PTPRG: variants seen among roughly 807,000 people sequenced by gnomAD.
The protein encoded by PTPRG is protein tyrosine phosphatase receptor type G, also known as receptor-type tyrosine-protein phosphatase gamma.
Under a neutral mutation model 165.3 loss-of-function variants are expected in PTPRG, and 102 were observed. That is an observed-to-expected ratio of 0.62 (90% CI 0.53 to 0.73). The LOEUF (loss-of-function observed/expected upper bound fraction) is 0.73. PTPRG is among the 30% of genes least tolerant of loss of function. The pLI is 0.00. For missense variants in PTPRG, 1,866 were observed against 1,861.4 expected (o/e 1.00, Z -0.05); for synonymous variants, 675 against 669.5 (o/e 1.01, Z -0.13).
At position 61,575,620 on chromosome 3, in the gene PTPRG, G is replaced by A. The variant is rs1043311093; in HGVS notation, c.85+13248G>A. Among the ~76,000 whole-genome samples the A allele has an allele frequency of 3.0e-4, 11 of 36,110 alleles. No individual in the cohort carries two copies. In the Admixed American group the frequency reaches 3.3e-3, roughly 11 times the overall value. 23.7% of individuals were successfully genotyped at this position (36,110 alleles called of 152,430 possible). ...GAACTTTTTTTTTTTTTTTTTTTTT[G>A]AGATGGAGTCTCGCTTTGTCACCCA... is the stretch of plus-strand genomic sequence containing the variant. On this transcript the variant is annotated intron_variant, in intron 1 of 29. Transcript: ENST00000474889.
intron 2 of PTPRG, among the ~76,000 whole-genome samples, chr3:61,811,936 T>G (rs560003182): frequency 5.3e-5 from 8 of 152,222 alleles, no homozygotes; most frequent in Non-Finnish European, 1.2e-4. Context: ...TCTTGAGCTC[T>G]GCGCTTTCTC....
chr3:62,107,448 A>AAG (rs1702511766), intron 5 of PTPRG, among the ~76,000 whole-genome samples: 1 of 152,258 alleles, frequency 6.6e-6, no homozygotes, highest in Non-Finnish European at 1.5e-5. Flanking sequence ...GCTTTTTATA[A>AAG]CTCAAACAAA....
chr3:62,194,746 C>T (rs1158306660), intron 9 of PTPRG, among the ~76,000 whole-genome samples: 1 of 151,644 alleles, frequency 6.6e-6, no homozygotes, highest in South Asian at 2.1e-4. Flanking sequence ...GAAGTTGCAG[C>T]GAGCTGAGAT....
chr3:62,100,586 A>G lies in PTPRG; in HGVS notation c.615+22328A>G, dbSNP rs552067274. 1.8e-4 allele frequency among the ~76,000 whole-genome samples: 28 copies of G among 152,094 alleles called. 1 individual carries two copies. The South Asian group carries it at 4.0e-3, about 22-fold the overall frequency. On this transcript the variant is annotated intron_variant, in intron 5 of 29. Coordinates refer to ENST00000474889, the MANE Select transcript of PTPRG (RefSeq NM_002841.4). ...TGCCTGGATGTTTTTCTGCTTTCCAATCATAAGCCAAAAAAACAAAAAAAC... is the reference window on the plus strand; with the variant it reads ...TGCCTGGATGTTTTTCTGCTTTCCAGTCATAAGCCAAAAAAACAAAAAAAC...
rs185001663 is a variant in PTPRG at position 62,046,114 on chromosome 3, A to G, written c.520-32049A>G. ...TGACTGTCAAACTTTGGGATGCTCTAGTTACCTTACTAGGGCACCCTCTCC... is the reference window on the plus strand; with the variant it reads ...TGACTGTCAAACTTTGGGATGCTCTGGTTACCTTACTAGGGCACCCTCTCC... On this transcript the variant is annotated intron_variant, in intron 4 of 29. Transcript: ENST00000474889. 1.9e-4 allele frequency among the ~76,000 whole-genome samples: 29 copies of G among 152,286 alleles called. No individual in the cohort carries two copies. In the East Asian group the frequency reaches 4.4e-3, roughly 23 times the overall value.
intron 2 of PTPRG, among the ~76,000 whole-genome samples, chr3:61,880,671 G>A (rs2037863862): frequency 1.3e-5 from 2 of 151,240 alleles, no homozygotes; most frequent in Admixed American, 6.6e-5. Context: ...CAGGTGATGA[G>A]GTATGAAGCC....
At chr3:61,891,905 T>C (rs2038224322) in intron 2 of PTPRG, among the ~76,000 whole-genome samples, 1 of 152,032 alleles carries the variant, frequency 6.6e-6, no homozygotes, top group South Asian at 2.1e-4. Context: ...AGTTTTCTTT[T>C]CTTTTTTTTT....
At chr3:61,848,885 A>C (rs552385064) in intron 2 of PTPRG, among the ~76,000 whole-genome samples, 2 of 152,348 alleles carry the variant, frequency 1.3e-5, no homozygotes, top group African/African-American at 2.4e-5. Flanking sequence ...AGGTAATTCA[A>C]TTCATCTTCA....
At chr3:61,823,923 G>C (rs554213316) in intron 2 of PTPRG, among the ~76,000 whole-genome samples, 17 of 152,112 alleles carry the variant, frequency 1.1e-4, no homozygotes, top group Non-Finnish European at 2.2e-4. Flanking sequence ...TCAGGAGATC[G>C]AGACCATCCT....
intron 1 of PTPRG, among the ~76,000 whole-genome samples, chr3:61,626,835 G>A (rs1701622618): frequency 6.6e-6 from 1 of 152,130 alleles, no homozygotes; most frequent in Non-Finnish European, 1.5e-5. Context: ...TATATTCTTA[G>A]AAAAAGGAAT....
intron 2 of PTPRG, among the ~76,000 whole-genome samples, chr3:61,857,731 G>T (rs146704146): frequency 7.2e-5 from 11 of 152,250 alleles, no homozygotes; most frequent in Non-Finnish European, 1.5e-4. Flanking sequence ...TTATTAGTAT[G>T]CTGATGTTGA....
At chr3:62,089,377 C>T (rs953119208) in intron 5 of PTPRG, among the ~76,000 whole-genome samples, 2 of 152,298 alleles carry the variant, frequency 1.3e-5, no homozygotes, top group Non-Finnish European at 2.9e-5. Context: ...TCCTCTTTTT[C>T]TGTTAACATC....
chr3:62,024,004 G>T (rs550205128), intron 4 of PTPRG, among the ~76,000 whole-genome samples: 26 of 152,228 alleles, frequency 1.7e-4, no homozygotes, highest in African/African-American at 6.0e-4. Context: ...TCAAAAACAA[G>T]AAAGGGGGTC....
intron 14 of PTPRG, among the ~76,000 whole-genome samples, chr3:62,239,979 T>C (rs1034878003): frequency 6.6e-6 from 1 of 152,144 alleles, no homozygotes; most frequent in African/African-American, 2.4e-5. Flanking sequence ...TTAAGGATCA[T>C]GAAAAGCTGA....
At chr3:62,080,730 C>A (rs1157615856) in intron 5 of PTPRG, among the ~76,000 whole-genome samples, 1 of 152,148 alleles carries the variant, frequency 6.6e-6, no homozygotes, top group Admixed American at 6.5e-5. Flanking sequence ...GCTCTATAAA[C>A]TCTTGTTAAA....
intron 2 of PTPRG, among the ~76,000 whole-genome samples, chr3:61,972,942 C>A (rs772861960): frequency 9.2e-5 from 14 of 152,052 alleles, no homozygotes; most frequent in Admixed American, 2.6e-4. Flanking sequence ...TATAGGCATG[C>A]ATCTCTGTGC....
intron 1 of PTPRG, among the ~76,000 whole-genome samples, chr3:61,684,162 G>T (rs1211182511): frequency 1.3e-5 from 2 of 152,184 alleles, no homozygotes; most frequent in African/African-American, 4.8e-5. Flanking sequence ...AGCTCCAACA[G>T]AAGTTTTGCC....
Position 61,579,368 on chromosome 3 carries a change from CA to C in PTPRG, c.85+16997del, listed in dbSNP as rs369488908. Among the ~76,000 whole-genome samples, 908 of 152,208 alleles carry C rather than the reference CA, an allele frequency of 6.0e-3. 10 individuals carry two copies. Among genetic ancestry groups the C allele is most frequent in the African/African-American group, 0.021 (868 of 41,548 alleles). ...CCCAAGGGAAGAACATCTCCTTCAC[CA>C]GGGGTGAGGGAGGGCATCCTGAAAT... On this transcript the variant is annotated intron_variant, in intron 1 of 29. Transcript: ENST00000474889.
chr3:61,589,858 G>A lies in PTPRG; in HGVS notation c.85+27486G>A, dbSNP rs371944355. 3.9e-5 allele frequency among the ~76,000 whole-genome samples: 6 copies of A among 152,082 alleles called. No homozygotes were observed. In the East Asian group the frequency reaches 9.6e-4, roughly 24 times the overall value. ...AAACTCAGCATGGAAAATGAAAGTC[G>A]AATATGGATGTGTAGTCAGGGTCAG... On this transcript the variant is annotated intron_variant, in intron 1 of 29. Coordinates refer to ENST00000474889, the MANE Select transcript of PTPRG (RefSeq NM_002841.4).
Sources: gnomAD v4.1 joint callset for allele counts (sites outside exome capture counted in the v4.1 genomes callset) on GRCh38, gnomAD v4.1.1 for gene constraint, MANE v1.5 for transcripts, NCBI Gene and HGNC (gene_info 2026-07-23, HGNC 2026-07-21) for gene names.